Variants in PLPP4 observed in about 807,000 individuals in gnomAD.
The protein encoded by PLPP4 is phospholipid phosphatase 4, also known as diacylglycerol pyrophosphate like 2.
A neutral mutation model predicts 32.2 loss-of-function variants in PLPP4; 20 were observed. That is an observed-to-expected ratio of 0.62 (90% confidence interval 0.44 to 0.90). PLPP4 has a LOEUF of 0.90. Ranked by LOEUF, PLPP4 falls within the 40% of genes least tolerant of loss-of-function variation. The pLI is 0.00. For missense variants in PLPP4, 257 were observed against 353.1 expected (o/e 0.73, Z 2.18); for synonymous variants, 127 against 133.0 (o/e 0.95, Z 0.31).
chr10:120,463,806 C>T (rs1031369644), intron 1 of PLPP4, among the ~76,000 whole-genome samples: 1 of 152,018 alleles, frequency 6.6e-6, no homozygotes, highest in South Asian at 2.1e-4. Flanking sequence ...CTTACAGGCC[C>T]CAGAGGATTC....
chr10:120,528,069 GTTTTTTTTTTT>G (rs35501001), intron 5 of PLPP4, among the ~76,000 whole-genome samples: 2 of 84,272 alleles, frequency 2.4e-5, no homozygotes, highest in East Asian at 8.2e-4. Context: ...ACCACTCTCC[GTTTTTTTTTTT>G]TTTTTTTTTT....
At chr10:120,546,068 GC>G (rs756897384) in intron 5 of PLPP4, among the ~76,000 whole-genome samples, 2 of 152,154 alleles carry the variant, frequency 1.3e-5, no homozygotes, top group Non-Finnish European at 2.9e-5. Context: ...GGGCTCTCGG[GC>G]CTACAGCCAC....
chr10:120,521,223 A>T, intron 5 of PLPP4, 128 bp downstream of exon 5: 1 of 1,148,954 alleles, frequency 8.7e-7, no homozygotes, highest in South Asian at 1.6e-5. Flanking sequence ...TCTTCACTTT[A>T]CGGCGTTTGA....
At chr10:120,552,815 G>A (rs1847973530) in intron 5 of PLPP4, among the ~76,000 whole-genome samples, 1 of 152,182 alleles carries the variant, frequency 6.6e-6, no homozygotes, top group South Asian at 2.1e-4. Flanking sequence ...CAGGCATATA[G>A]GCTATGCTGA....
chr10:120,503,557 G>A, intron 1 of PLPP4: 1 of 1,605,894 alleles, frequency 6.2e-7, no homozygotes, highest in Non-Finnish European at 8.5e-7. Flanking sequence ...TGGAGTCTTT[G>A]TACACACAAA....
chr10:120,518,465 T>TA (rs1317887763), intron 3 of PLPP4, among the ~76,000 whole-genome samples: 1 of 152,056 alleles, frequency 6.6e-6, no homozygotes, highest in East Asian at 1.9e-4. Context: ...CAGGAGGAAA[T>TA]AAAAAAAGTT....
At chr10:120,546,812 T>C (rs1055223128) in intron 5 of PLPP4, among the ~76,000 whole-genome samples, 2 of 152,244 alleles carry the variant, frequency 1.3e-5, no homozygotes, top group African/African-American at 2.4e-5. Context: ...CTCCATATCA[T>C]CTATCTTGTC....
chr10:120,555,855 T>A (rs985351252), intron 5 of PLPP4, among the ~76,000 whole-genome samples: 4 of 152,294 alleles, frequency 2.6e-5, no homozygotes, highest in Admixed American at 2.6e-4. Context: ...AAAGACAGCA[T>A]CTGTTCTTAA....
At chr10:120,498,537 C>G (rs1845076827) in intron 1 of PLPP4, among the ~76,000 whole-genome samples, 1 of 152,098 alleles carries the variant, frequency 6.6e-6, no homozygotes, top group African/African-American at 2.4e-5. Context: ...GAGTCTTACT[C>G]TACTCTTAAA....
At chr10:120,542,977 A>G (rs1284359274) in intron 5 of PLPP4, among the ~76,000 whole-genome samples, 2 of 152,210 alleles carry the variant, frequency 1.3e-5, no homozygotes, top group African/African-American at 2.4e-5. Flanking sequence ...TGTCATAGGG[A>G]CCATGTGCAT....
At chr10:120,546,763 T>G (rs1328465056) in intron 5 of PLPP4, among the ~76,000 whole-genome samples, 1 of 152,196 alleles carries the variant, frequency 6.6e-6, no homozygotes, top group African/African-American at 2.4e-5. Flanking sequence ...GTTTCCAAAC[T>G]TCCTAGAAAC....
chr10:120,534,736 A>G (rs1029023773), intron 5 of PLPP4, among the ~76,000 whole-genome samples: 1 of 152,112 alleles, frequency 6.6e-6, no homozygotes, highest in Non-Finnish European at 1.5e-5. Flanking sequence ...AAGGCCCTCT[A>G]GTAAATTTTT....
chr10:120,482,934 G>T (rs1400457931), intron 1 of PLPP4, among the ~76,000 whole-genome samples: 3 of 152,088 alleles, frequency 2.0e-5, no homozygotes, highest in Non-Finnish European at 4.4e-5. Flanking sequence ...GTCTGTGAGG[G>T]TGTTGCCAAA....
chr10:120,578,030 G>A (rs547915127), intron 6 of PLPP4, among the ~76,000 whole-genome samples: 1 of 152,288 alleles, frequency 6.6e-6, no homozygotes, highest in Middle Eastern at 3.4e-3. Flanking sequence ...GCTACTAAAT[G>A]TCCTACAATC....
chr10:120,467,203 C>G lies in PLPP4; in HGVS notation c.56+9842C>G, dbSNP rs1348899824. ...ACGCCATTCTCCTGCCTCAGCCTCC[C>G]GAGTACCTGGGACTACAGGCACCCG... is the stretch of plus-strand genomic sequence containing the variant. On this transcript the variant is annotated intron_variant, in intron 1 of 6. Coordinates refer to ENST00000398250, the MANE Select transcript of PLPP4 (RefSeq NM_001030059.3). Among the ~76,000 whole-genome samples, 4 of 65,830 alleles carry G rather than the reference C, an allele frequency of 6.1e-5. 1 individual carries two copies. Among genetic ancestry groups the G allele is most frequent in the Non-Finnish European group, 8.9e-5 (2 of 22,434 alleles). The allele number at this position is 65,830 out of a possible 152,430, so 43.2% of individuals were successfully genotyped here.
At chr10:120,531,169 A>G (rs985136390) in intron 5 of PLPP4, among the ~76,000 whole-genome samples, 6 of 147,098 alleles carry the variant, frequency 4.1e-5, no homozygotes, top group Admixed American at 1.4e-4. Flanking sequence ...GCTCGCTGCA[A>G]CCTCTGGCTC....
intron 2 of PLPP4, among the ~76,000 whole-genome samples, chr10:120,508,071 A>T (rs927348997): frequency 1.4e-4 from 21 of 152,218 alleles, no homozygotes; most frequent in African/African-American, 5.1e-4. Flanking sequence ...TGATATGTCC[A>T]GAAGATACAT....
intron 4 of PLPP4, 132 bp downstream of exon 4, chr10:120,519,028 A>G (rs1045183991): frequency 5.0e-5 from 27 of 542,340 alleles, no homozygotes; most frequent in Middle Eastern, 3.3e-4. Flanking sequence ...TCCTTCTGAG[A>G]TTTCCATCCT....
intron 1 of PLPP4, among the ~76,000 whole-genome samples, chr10:120,484,643 T>G (rs912399161): frequency 6.6e-6 from 1 of 152,234 alleles, no homozygotes; most frequent in Non-Finnish European, 1.5e-5. Context: ...GGATCAAGTT[T>G]GTTGCATTGG....
Sources: gnomAD v4.1 joint callset for allele counts (sites outside exome capture counted in the v4.1 genomes callset) on GRCh38, gnomAD v4.1.1 for gene constraint, MANE v1.5 for transcripts, NCBI Gene and HGNC (gene_info 2026-07-23, HGNC 2026-07-21) for gene names.